Variants in WASF3 observed in about 807,000 individuals in gnomAD.
WASF3 encodes actin-binding protein WASF3.
Under a neutral mutation model 46.6 loss-of-function variants are expected in WASF3, and 11 were observed. The ratio of observed to expected loss-of-function variants is 0.24; its 90% CI spans 0.15 to 0.39. The LOEUF (loss-of-function observed/expected upper bound fraction) is 0.39, where lower values mean the gene tolerates loss of function less well. Among genes scored for constraint, WASF3 ranks in the 10% least tolerant of loss-of-function variants. The pLI is 1.00. For synonymous variants in WASF3, 242 were observed against 259.7 expected (o/e 0.93, Z 0.65); for missense variants, 576 against 669.8 (o/e 0.86, Z 1.55).
intron 3 of WASF3, among the ~76,000 whole-genome samples, chr13:26,655,917 A>G (rs1882451488): frequency 1.3e-5 from 2 of 152,158 alleles, no homozygotes; most frequent in African/African-American, 2.4e-5. Context: ...TAGCACAGCA[A>G]TACATTCTAG....
chr13:26,619,209 A>C (rs191836728), intron 2 of WASF3, among the ~76,000 whole-genome samples: 1 of 152,348 alleles, frequency 6.6e-6, no homozygotes, highest in African/African-American at 2.4e-5. Flanking sequence ...CCTGCTTATA[A>C]GTGTCTCATT....
In WASF3 at chr13:26,675,958, A is replaced by G. The variant is rs552102660; in HGVS notation, c.541-591A>G. On this transcript the variant is annotated intron_variant, in intron 6 of 9. Transcript: ENST00000335327. ...CGTTTCAAGAAGCACCTGTTTAAGAACTAAGTATTTGTTGAATGAAACATT... is the reference window on the plus strand; with the variant it reads ...CGTTTCAAGAAGCACCTGTTTAAGAGCTAAGTATTTGTTGAATGAAACATT... Among the ~76,000 whole-genome samples the G allele has an allele frequency of 1.2e-4, 19 of 152,324 alleles. No homozygotes were observed. The East Asian group carries it at 2.3e-3, about 19-fold the overall frequency.
At position 26,682,583 on chromosome 13, in the gene WASF3, C is replaced by T; in HGVS notation, c.984-24C>T. The T allele has an allele frequency of 6.2e-7, 1 of 1,613,898 alleles. No individual in the cohort carries two copies. The highest frequency in any genetic ancestry group is 2.2e-5 in the East Asian group (1 of 44,882). ...TGACCCTCTCTTGTTCCCTTGGTGA[C>T]TATGTGCCTCATATCTCTCTCAGGA... On this transcript the variant is annotated intron_variant, in intron 8 of 9. Transcript: ENST00000335327. The surrounding 1 kb of genome is among the most constrained non-coding windows in gnomAD (Gnocchi z 4.4).
intron 1 of WASF3, among the ~76,000 whole-genome samples, chr13:26,558,507 C>T (rs111605022): frequency 0.036 from 5,422 of 148,624 alleles, 332 homozygotes; most frequent in African/African-American, 0.12. Flanking sequence ...GTATCATCCC[C>T]GGGGGTCTTT....
chr13:26,665,237 C>G, intron 4 of WASF3, 75 bp downstream of exon 4: 1 of 1,529,104 alleles, frequency 6.5e-7, no homozygotes, highest in South Asian at 1.2e-5. Flanking sequence ...AGTGTAATTA[C>G]TGCTTTTTCC....
chr13:26,635,830 T>A (rs1881800527), intron 2 of WASF3, among the ~76,000 whole-genome samples: 1 of 152,230 alleles, frequency 6.6e-6, no homozygotes, highest in African/African-American at 2.4e-5. Context: ...AGCTGCAGAA[T>A]AGCAAACATT....
intron 2 of WASF3, among the ~76,000 whole-genome samples, chr13:26,634,735 T>A (rs1881765134): frequency 6.6e-6 from 1 of 152,232 alleles, no homozygotes; most frequent in African/African-American, 2.4e-5. Context: ...TTATTTCTCC[T>A]TCACTTATGA....
upstream of WASF3, among the ~76,000 whole-genome samples, chr13:26,554,272 G>A (rs1017917465): frequency 6.4e-4 from 97 of 151,944 alleles, no homozygotes; most frequent in African/African-American, 2.1e-3. Context: ...TGGGACTACA[G>A]GCATATGCCA....
At chr13:26,582,143 A>T (rs936613764) in intron 1 of WASF3, among the ~76,000 whole-genome samples, 1 of 152,198 alleles carries the variant, frequency 6.6e-6, no homozygotes, top group African/African-American at 2.4e-5. Context: ...CTTTCTGAAC[A>T]AAGTAGGTTA....
rs1368442557 is a variant in WASF3, at chr13:26,676,739, C to T, written c.716+15C>T. 6.2e-7 allele frequency: 1 copy of T among 1,607,216 alleles called. No homozygotes were observed. ...CCAGATACTAGGTGTGTGTGTGTCA[C>T]TGCTCCCTCAGCCCTGATGCTTGGG... On this transcript the variant is annotated intron_variant, in intron 7 of 9. Transcript: ENST00000335327.
intron 8 of WASF3, among the ~76,000 whole-genome samples, chr13:26,681,859 C>T (rs1883241373): frequency 6.6e-6 from 1 of 152,152 alleles, no homozygotes; most frequent in Non-Finnish European, 1.5e-5. Context: ...TAGGCACCCA[C>T]CTCTCTTTTT....
At chr13:26,554,100 T>TTTCC (rs1879041219), upstream of WASF3, among the ~76,000 whole-genome samples, 1 of 98,324 alleles carries the variant, frequency 1.0e-5, no homozygotes. Flanking sequence ...TCCTTCCTTC[T>TTTCC]TTCTTTCTTT....
intron 2 of WASF3, among the ~76,000 whole-genome samples, chr13:26,616,378 A>G (rs754172255): frequency 1.3e-5 from 2 of 152,132 alleles, no homozygotes; most frequent in Non-Finnish European, 2.9e-5. Flanking sequence ...AGCATTTTTC[A>G]TGTGCTTGCT....
chr13:26,659,571 C>T (rs539115495), intron 3 of WASF3, among the ~76,000 whole-genome samples: 8 of 151,990 alleles, frequency 5.3e-5, no homozygotes, highest in South Asian at 4.2e-4. Flanking sequence ...TGAGCAGGGG[C>T]GTGGATGGAG....
upstream of WASF3, chr13:26,557,596 G>A (rs1879131381): frequency 6.4e-6 from 1 of 156,764 alleles, no homozygotes; most frequent in South Asian, 2.1e-4. Flanking sequence ...GCGGCCCCGT[G>A]AGTTGGCCCT....
At chr13:26,652,736 T>G (rs1411922545) in intron 3 of WASF3, among the ~76,000 whole-genome samples, 1 of 152,068 alleles carries the variant, frequency 6.6e-6, no homozygotes, top group Non-Finnish European at 1.5e-5. Flanking sequence ...AATCCTTGGG[T>G]CAAAGAAAAA....
intron 2 of WASF3, among the ~76,000 whole-genome samples, chr13:26,614,270 A>G (rs185344618): frequency 6.6e-6 from 1 of 152,260 alleles, no homozygotes; most frequent in Non-Finnish European, 1.5e-5. Flanking sequence ...ATTGAACTTG[A>G]TTTCCATACT....
chr13:26,629,450 C>T (rs2137257956), intron 2 of WASF3, among the ~76,000 whole-genome samples: 1 of 152,350 alleles, frequency 6.6e-6, no homozygotes, highest in African/African-American at 2.4e-5. Flanking sequence ...GTCCTGCCCA[C>T]AGCTCCACCT....
intron 3 of WASF3, among the ~76,000 whole-genome samples, chr13:26,653,100 C>T (rs1476419673): frequency 1.3e-5 from 2 of 152,272 alleles, no homozygotes; most frequent in East Asian, 1.9e-4. Flanking sequence ...ACACATTGCA[C>T]GCTGATAGGC....
Sources: gnomAD v4.1 joint callset for allele counts (sites outside exome capture counted in the v4.1 genomes callset) on GRCh38, gnomAD v4.1.1 for gene constraint, Gnocchi (gnomAD v3.1) non-coding constraint, MANE v1.5 for transcripts, NCBI Gene and HGNC (gene_info 2026-07-23, HGNC 2026-07-21) for gene names.